The following ASB4 variants were observed in gnomAD, a reference collection of about 807,000 sequenced individuals.
The protein encoded by ASB4 is ankyrin repeat and SOCS box containing 4.
A neutral mutation model predicts 38.6 loss-of-function variants in ASB4; 35 were observed. That is an observed-to-expected ratio of 0.91 (90% CI 0.69 to 1.20). The LOEUF is 1.20. Among genes scored for constraint, ASB4 ranks in the 50% most tolerant of loss-of-function variants. The pLI, the probability that ASB4 is intolerant of heterozygous loss-of-function variation, is 0.00. For synonymous variants in ASB4, 195 were observed against 201.3 expected, an observed-to-expected ratio of 0.97 and a Z score of 0.26; for missense variants, 557 against 527.2, an observed-to-expected ratio of 1.06 and a Z score of -0.55.
At chr7:95,487,759 A>G (rs772161575) in intron 1 of ASB4, among the ~76,000 whole-genome samples, 7 of 152,196 alleles carry the variant, frequency 4.6e-5, no homozygotes, top group East Asian at 1.9e-4. Flanking sequence ...GTGTTTTCAT[A>G]GTGTTAGGAC....
At chr7:95,495,609 C>G in intron 1 of ASB4, 149 bp from the exon 2 acceptor site, 2 of 697,264 alleles carry the variant, frequency 2.9e-6, no homozygotes, top group Non-Finnish European at 4.7e-6. Context: ...GACCCATTAG[C>G]TATTAGTTTA....
At chr7:95,471,127 T>C in the ASB4 span, among the ~76,000 whole-genome samples, 1 of 152,200 alleles carries the variant, frequency 6.6e-6, no homozygotes, top group Admixed American at 6.5e-5. Context: ...GTGTGTTTTC[T>C]AATGTCCATA....
At chr7:95,522,700 A>T (rs1161733356) in intron 2 of ASB4, among the ~76,000 whole-genome samples, 1 of 152,168 alleles carries the variant, frequency 6.6e-6, no homozygotes, top group East Asian at 1.9e-4. Context: ...GACCATCAGG[A>T]CAGGAAGGGG....
chr7:95,535,218 C>G (rs1399364212), intron 3 of ASB4, among the ~76,000 whole-genome samples: 5 of 152,214 alleles, frequency 3.3e-5, no homozygotes. Context: ...GGAAGGTTGT[C>G]GAGCAACACA....
At chr7:95,496,148 T>C (rs1790245461) in intron 2 of ASB4, 91 bp downstream of exon 2, 1 of 1,269,456 alleles carries the variant, frequency 7.9e-7, no homozygotes, top group Admixed American at 1.9e-5. Context: ...GATGATGTAG[T>C]AAGCATAAAG....
At chr7:95,535,243 G>C (rs1172180391) in intron 3 of ASB4, among the ~76,000 whole-genome samples, 1 of 152,250 alleles carries the variant, frequency 6.6e-6, no homozygotes, top group Admixed American at 6.5e-5. Context: ...CCTATGGAGA[G>C]AAAGTCGGTT....
At position 95,523,748 on chromosome 7, in the gene ASB4, A is replaced by C. The variant is rs180957075; in HGVS notation, c.488-4065A>C. Among the ~76,000 whole-genome samples, 1,501 of 152,324 alleles carry C rather than the reference A, an allele frequency of 9.9e-3. 20 individuals are homozygous for C. Among genetic ancestry groups the C allele is most frequent in the South Asian group, 0.041 (196 of 4,822 alleles). On this transcript the variant is annotated intron_variant, in intron 2 of 4. Transcript: ENST00000325885. ...ATTGTAGCATTAATTTTAAGATCAA[A>C]ATTTTGGAAAAAATCAGCACAGTAG...
chr7:95,477,777 A>T (rs1789990975), upstream of ASB4, among the ~76,000 whole-genome samples: 1 of 152,056 alleles, frequency 6.6e-6, no homozygotes, highest in African/African-American at 2.4e-5. Context: ...TCTACAAGCA[A>T]AATTAAGTTC....
intron 1 of ASB4, 152 bp from the exon 2 acceptor site, chr7:95,495,606 T>A: frequency 1.5e-6 from 1 of 689,048 alleles, no homozygotes; most frequent in East Asian, 2.7e-5. Flanking sequence ...GCAGACCCAT[T>A]AGCTATTAGT....
chr7:95,518,182 C>T (rs1197482558), intron 2 of ASB4, among the ~76,000 whole-genome samples: 4 of 152,262 alleles, frequency 2.6e-5, no homozygotes, highest in African/African-American at 9.6e-5. Context: ...ATCTTGTTCT[C>T]TTCCACTCCA....
At chr7:95,486,831 A>C (rs553670467) in intron 1 of ASB4, among the ~76,000 whole-genome samples, 1 of 152,220 alleles carries the variant, frequency 6.6e-6, no homozygotes, top group Non-Finnish European at 1.5e-5. Context: ...AACAAAAATT[A>C]GACCAATTTT....
chr7:95,483,809 A>G (rs1790044292), upstream of ASB4, among the ~76,000 whole-genome samples: 3 of 152,086 alleles, frequency 2.0e-5, no homozygotes, highest in South Asian at 6.2e-4. Flanking sequence ...GTATTTGTGG[A>G]AAGAATCATA....
chr7:95,520,185 A>G (rs999485625), intron 2 of ASB4, among the ~76,000 whole-genome samples: 7 of 152,236 alleles, frequency 4.6e-5, no homozygotes, highest in Non-Finnish European at 1.0e-4. Context: ...TGTCCCCCCA[A>G]CAGGGGCACA....
chr7:95,509,392 GT>G (rs1459339481), intron 2 of ASB4, among the ~76,000 whole-genome samples: 3 of 152,182 alleles, frequency 2.0e-5, no homozygotes, highest in Non-Finnish European at 4.4e-5. Flanking sequence ...AGCAAAGCTA[GT>G]TTGGTTGCCA....
At chr7:95,515,269 CT>C (rs1562817203) in intron 2 of ASB4, among the ~76,000 whole-genome samples, 19 of 47,108 alleles carry the variant, frequency 4.0e-4, no homozygotes, top group African/African-American at 1.5e-3. Context: ...CTTTCTTTCT[CT>C]TTCTTTCTTT....
At chr7:95,478,436 A>G (rs1326741946), upstream of ASB4, 1 of 152,216 alleles carries the variant, frequency 6.6e-6, no homozygotes, top group Non-Finnish European at 1.5e-5. Flanking sequence ...TTCACAGTCA[A>G]AGATGACGTG....
intron 2 of ASB4, among the ~76,000 whole-genome samples, chr7:95,513,939 C>T (rs1160699329): frequency 6.6e-6 from 1 of 152,172 alleles, no homozygotes; most frequent in Non-Finnish European, 1.5e-5. Flanking sequence ...CGAAGGATTT[C>T]GATGCTGGCA....
chr7:95,503,685 A>G (rs1241661206), intron 2 of ASB4, among the ~76,000 whole-genome samples: 1 of 152,228 alleles, frequency 6.6e-6, no homozygotes, highest in Non-Finnish European at 1.5e-5. Flanking sequence ...AATTGAGACA[A>G]CATATAGACG....
intron 2 of ASB4, among the ~76,000 whole-genome samples, chr7:95,499,967 G>A (rs550703331): frequency 7.3e-5 from 11 of 149,682 alleles, no homozygotes; most frequent in Non-Finnish European, 1.2e-4. Context: ...TCTGCCTCCC[G>A]GGTTCACGCC....
Sources: allele counts gnomAD v4.1 joint callset (sites outside exome capture counted in the v4.1 genomes callset), GRCh38; gene constraint gnomAD v4.1.1; transcripts MANE v1.5; gene names NCBI Gene and HGNC (gene_info 2026-07-23, HGNC 2026-07-21).